The following TOM1L2 variants were observed in gnomAD, a reference collection of about 807,000 sequenced individuals.
TOM1L2 encodes the protein target of myb1 like 2 membrane trafficking protein.
Under a neutral mutation model 67.9 loss-of-function variants are expected in TOM1L2, and 31 were observed. The ratio of observed to expected loss-of-function variants is 0.46; its 90% CI spans 0.34 to 0.62. The LOEUF is 0.62. TOM1L2 is among the 20% of genes least tolerant of loss of function. The pLI is 0.01. For synonymous variants in TOM1L2, 256 were observed against 254.0 expected (o/e 1.01, Z -0.07); for missense variants, 606 against 663.5 (o/e 0.91, Z 0.95).
intron 1 of TOM1L2, among the ~76,000 whole-genome samples, chr17:17,933,631 T>C (rs977672883): frequency 5.3e-5 from 8 of 152,140 alleles, no homozygotes; most frequent in Non-Finnish European, 1.2e-4. Context: ...ACACTTACAG[T>C]ACTTATGCAG....
Position 17,884,618 on chromosome 17 carries a change from C to T in TOM1L2, c.501+16G>A. The stretch of plus-strand genomic sequence containing the variant: ...CTGCAGTAGGTCTTTCTAGAAAGTG[C>T]CAGCTGGAAGCTTACCCGCTGTGGT... On this transcript the variant is annotated intron_variant, in intron 5 of 14. Transcript: ENST00000379504. 6 of 1,613,596 alleles carry T rather than the reference C, an allele frequency of 3.7e-6. No individual in the cohort carries two copies. Among genetic ancestry groups the T allele is most frequent in the Non-Finnish European group, 5.1e-6 (6 of 1,179,870 alleles).
chr17:17,847,874 C>G (rs1598162840), intron 14 of TOM1L2, 91 bp from the exon 15 acceptor site: 1 of 1,572,160 alleles, frequency 6.4e-7, no homozygotes, highest in East Asian at 2.2e-5. Flanking sequence ...GTTTCCTCCT[C>G]TAGGGCAGGC....
At chr17:17,856,426 G>A (rs754186084) in intron 12 of TOM1L2, among the ~76,000 whole-genome samples, 6 of 152,286 alleles carry the variant, frequency 3.9e-5, no homozygotes, top group Non-Finnish European at 8.8e-5. Flanking sequence ...GCAGAGCTGT[G>A]CAGAGGGCAC....
At chr17:17,920,054 C>T (rs1437294829) in intron 1 of TOM1L2, among the ~76,000 whole-genome samples, 2 of 152,128 alleles carry the variant, frequency 1.3e-5, no homozygotes, top group African/African-American at 2.4e-5. Context: ...AGACCCTGGC[C>T]TCCACAATAG....
At chr17:17,899,223 G>A (rs2038726949) in intron 2 of TOM1L2, among the ~76,000 whole-genome samples, 1 of 152,212 alleles carries the variant, frequency 6.6e-6, no homozygotes, top group South Asian at 2.1e-4. Context: ...AGTTTTTCCA[G>A]AGAAACCATA....
At chr17:17,850,051 G>A (rs538519833) in intron 13 of TOM1L2, among the ~76,000 whole-genome samples, 14 of 152,296 alleles carry the variant, frequency 9.2e-5, no homozygotes, top group African/African-American at 3.4e-4. Context: ...TGACCCTGTG[G>A]TTAAAGAACT....
chr17:17,892,684 T>C (rs2038354170), intron 4 of TOM1L2, among the ~76,000 whole-genome samples: 1 of 151,726 alleles, frequency 6.6e-6, no homozygotes, highest in Non-Finnish European at 1.5e-5. Context: ...CTACAACATG[T>C]CCACAAATTA....
chr17:17,912,471 G>A (rs1465220408), intron 1 of TOM1L2, among the ~76,000 whole-genome samples: 1 of 149,804 alleles, frequency 6.7e-6, no homozygotes, highest in Non-Finnish European at 1.5e-5. Context: ...TTCTCAGACG[G>A]GGTGGCCGGG....
At chr17:17,864,815 T>G (rs1326040286) in intron 10 of TOM1L2, among the ~76,000 whole-genome samples, 2 of 152,138 alleles carry the variant, frequency 1.3e-5, no homozygotes, top group Non-Finnish European at 2.9e-5. Flanking sequence ...TTTTAAGTAT[T>G]AAATCTGGCA....
At chr17:17,860,885 G>A (rs998121798) in intron 12 of TOM1L2, among the ~76,000 whole-genome samples, 6 of 152,192 alleles carry the variant, frequency 3.9e-5, no homozygotes, top group African/African-American at 7.2e-5. Context: ...CCCCCTCACC[G>A]CCACAGGACA....
chr17:17,864,678 A>G (rs574423054), intron 10 of TOM1L2, among the ~76,000 whole-genome samples: 1 of 151,840 alleles, frequency 6.6e-6, no homozygotes, highest in East Asian at 1.9e-4. Flanking sequence ...TGCCCAGCTG[A>G]TTTTTGTATT....
At chr17:17,866,447 C>A in intron 9 of TOM1L2, 28 bp from the exon 10 acceptor site, 1 of 1,561,126 alleles carries the variant, frequency 6.4e-7, no homozygotes, top group Non-Finnish European at 8.7e-7. Context: ...TGGCCATAAG[C>A]CCCAGAACCC....
At chr17:17,855,567 A>C (rs2036213758) in intron 12 of TOM1L2, among the ~76,000 whole-genome samples, 1 of 152,158 alleles carries the variant, frequency 6.6e-6, no homozygotes, top group African/African-American at 2.4e-5. Flanking sequence ...CCCATTGACA[A>C]GTCTCATTTC....
At chr17:17,902,719 A>C (rs2038911764) in intron 2 of TOM1L2, among the ~76,000 whole-genome samples, 1 of 152,266 alleles carries the variant, frequency 6.6e-6, no homozygotes, top group Non-Finnish European at 1.5e-5. Context: ...CAGATAACTG[A>C]CACCCAAATG....
chr17:17,924,971 T>A (rs1265636294), intron 1 of TOM1L2, among the ~76,000 whole-genome samples: 2 of 152,206 alleles, frequency 1.3e-5, no homozygotes, highest in Non-Finnish European at 2.9e-5. Flanking sequence ...GATGTCTTTG[T>A]GATAATTCTT....
Position 17,882,717 on chromosome 17 carries a change from G to C in TOM1L2, c.648C>G (p.Ala216=). ...AGTATGCAAGTACCTGTTCTGAATT[G>C]GCTGTGATGGGGCCAGTCACACTCA... ...PALSVTGPIT[A]NSEQIARLRS... Residue 216 remains alanine (A), a synonymous_variant, in exon 6 of 15, where the codon GCC becomes GCG. Transcript: ENST00000379504. The C allele has an allele frequency of 1.2e-6, 2 of 1,614,156 alleles. No homozygotes were observed. The highest frequency in any genetic ancestry group is 1.1e-5 in the South Asian group (1 of 91,076).
chr17:17,893,603 T>C, intron 4 of TOM1L2, 58 bp downstream of exon 4: 2 of 1,509,170 alleles, frequency 1.3e-6, no homozygotes, highest in Non-Finnish European at 1.8e-6. Flanking sequence ...TGAGGACTCA[T>C]CAATAAGAGA....
At chr17:17,935,729 C>T (rs535719810) in intron 1 of TOM1L2, among the ~76,000 whole-genome samples, 16 of 152,282 alleles carry the variant, frequency 1.1e-4, no homozygotes, top group African/African-American at 3.4e-4. Flanking sequence ...CCATCATGCT[C>T]CAAGAGCCAT....
intron 8 of TOM1L2, chr17:17,868,999 G>A (rs540482044): frequency 2.4e-4 from 51 of 212,744 alleles, no homozygotes; most frequent in Middle Eastern, 3.8e-3. Flanking sequence ...ATCATCAAAG[G>A]AGCAGGTGCA....
Sources: gnomAD v4.1 joint callset for allele counts (sites outside exome capture counted in the v4.1 genomes callset) on GRCh38, gnomAD v4.1.1 for gene constraint, MANE v1.5 for transcripts, NCBI Gene and HGNC (gene_info 2026-07-23, HGNC 2026-07-21) for gene names.